Variants in AOAH observed in about 807,000 individuals in gnomAD.
The protein encoded by AOAH is acyloxyacyl hydrolase (neutrophil).
A neutral mutation model predicts 92.2 loss-of-function variants in AOAH; 64 were observed. The ratio of observed to expected loss-of-function variants is 0.69; its 90% CI spans 0.57 to 0.86. AOAH has a LOEUF of 0.86. Ranked by LOEUF, AOAH falls within the 40% of genes least tolerant of loss-of-function variation. The probability of loss-of-function intolerance (pLI) is 0.00; values close to 1 mark genes in which losing one functional copy is unlikely to be tolerated. For missense variants in AOAH, 656 were observed against 694.6 expected (o/e 0.94, Z 0.62); for synonymous variants, 263 against 254.5 (o/e 1.03, Z -0.32).
At chr7:36,530,247 C>T (rs1784610558) in intron 19 of AOAH, among the ~76,000 whole-genome samples, 171 bp downstream of exon 19, 1 of 152,038 alleles carries the variant, frequency 6.6e-6, no homozygotes, top group East Asian at 1.9e-4. Flanking sequence ...AGAAAAAGTC[C>T]CACATTTTAT....
chr7:36,539,797 T>A (rs1338947579), intron 16 of AOAH, among the ~76,000 whole-genome samples: 2 of 152,234 alleles, frequency 1.3e-5, no homozygotes, highest in African/African-American at 4.8e-5. Flanking sequence ...ACTTTTATGT[T>A]ATTTGTACAG....
intron 13 of AOAH, among the ~76,000 whole-genome samples, chr7:36,552,985 A>C (rs542161639): frequency 6.8e-6 from 1 of 146,442 alleles, no homozygotes; most frequent in Non-Finnish European, 1.5e-5. Flanking sequence ...TATTATTATT[A>C]TACTTTAAGT....
At chr7:36,626,155 A>G (rs1243522590) in intron 6 of AOAH, among the ~76,000 whole-genome samples, 2 of 152,222 alleles carry the variant, frequency 1.3e-5, no homozygotes, top group Non-Finnish European at 2.9e-5. Flanking sequence ...AGCAAGAGCA[A>G]GAGACAAAGA....
Position 36,522,000 on chromosome 7 carries a change from T to C in AOAH, c.1599+39A>G, listed in dbSNP as rs201034246. On this transcript the variant is annotated intron_variant, in intron 20 of 20. Transcript: ENST00000617537. ...ACCATAATTAAAAACCAACAAACCATCAAATAGCCTTCTGCAGCCACCATG... is the reference window on the plus strand; with the variant it reads ...ACCATAATTAAAAACCAACAAACCACCAAATAGCCTTCTGCAGCCACCATG... 11 of 1,551,440 alleles carry C rather than the reference T, an allele frequency of 7.1e-6. No individual in the cohort carries two copies. The Admixed American group carries it at 1.8e-4, about 26-fold the overall frequency.
intron 12 of AOAH, among the ~76,000 whole-genome samples, chr7:36,591,772 G>T (rs769791301): frequency 6.6e-6 from 1 of 152,294 alleles, no homozygotes; most frequent in Middle Eastern, 3.4e-3. Flanking sequence ...TGACTGAACA[G>T]AGTCTGTTTG....
At chr7:36,679,145 A>G (rs1584099587) in intron 2 of AOAH, among the ~76,000 whole-genome samples, 1 of 152,264 alleles carries the variant, frequency 6.6e-6, no homozygotes, top group Admixed American at 6.5e-5. Flanking sequence ...AGGACATTCC[A>G]ATTTGTAAGT....
intron 19 of AOAH, 137 bp downstream of exon 19, chr7:36,530,281 T>G (rs1437879589): frequency 2.1e-5 from 13 of 622,734 alleles, no homozygotes; most frequent in Non-Finnish European, 1.1e-5. Context: ...CTGAGAGCTA[T>G]TAGTGTGTCA....
chr7:36,624,426 C>T (rs1337762591), intron 6 of AOAH, among the ~76,000 whole-genome samples: 1 of 152,218 alleles, frequency 6.6e-6, no homozygotes, highest in Non-Finnish European at 1.5e-5. Flanking sequence ...AGCCTGGAGC[C>T]TGTCTTATGA....
At chr7:36,687,967 T>C (rs1797141211) in intron 1 of AOAH, among the ~76,000 whole-genome samples, 1 of 152,184 alleles carries the variant, frequency 6.6e-6, no homozygotes, top group Non-Finnish European at 1.5e-5. Context: ...CAATATCTGA[T>C]GGTGTTTTGG....
At chr7:36,677,714 C>A (rs1172182372) in intron 2 of AOAH, among the ~76,000 whole-genome samples, 1 of 152,140 alleles carries the variant, frequency 6.6e-6, no homozygotes, top group Non-Finnish European at 1.5e-5. Context: ...AAATACCTAT[C>A]AGCTAATAGA....
rs963341216 is a variant in AOAH at position 36,618,310 on chromosome 7, C to T, written c.738G>A (p.Lys246=). The change falls in exon 10 of 21, where the codon AAG becomes AAA. Residue 246 remains lysine (K), a synonymous_variant. Coordinates refer to ENST00000617537, the MANE Select transcript of AOAH (RefSeq NM_001637.4). The stretch of plus-strand genomic sequence containing the variant: ...CACAATTCATACCTTCACAGAATTT[C>T]TTCTCATATGGAACTCCATCTTTTG... ...VDPKDGVPYE[K]KFCEGSQPRG... is the part of the protein sequence containing the mutation. The T allele has an allele frequency of 3.7e-6, 6 of 1,613,614 alleles. No individual in the cohort carries two copies. Among genetic ancestry groups the T allele is most frequent in the Admixed American group, 1.7e-5 (1 of 59,962 alleles).
chr7:36,674,078 T>G (rs1251252258), intron 2 of AOAH, 69 bp from the exon 3 acceptor site: 2 of 858,102 alleles, frequency 2.3e-6, no homozygotes, highest in East Asian at 5.3e-5. Flanking sequence ...TTAATAATGA[T>G]TATCTTTGCT....
chr7:36,538,335 A>G (rs944230668), intron 16 of AOAH, among the ~76,000 whole-genome samples: 1 of 151,984 alleles, frequency 6.6e-6, no homozygotes, highest in African/African-American at 2.4e-5. Flanking sequence ...CCTCATTCTT[A>G]CATTCTTACA....
intron 1 of AOAH, among the ~76,000 whole-genome samples, chr7:36,709,261 C>G (rs1382109331): frequency 6.6e-6 from 1 of 152,100 alleles, no homozygotes; most frequent in Non-Finnish European, 1.5e-5. Context: ...CTTTACACCT[C>G]GGTGAAATCA....
chr7:36,598,388 C>T (rs1790291470), intron 11 of AOAH: 1 of 152,216 alleles, frequency 6.6e-6, no homozygotes, highest in African/African-American at 2.4e-5. Flanking sequence ...ATGTTTTAGA[C>T]TTCACTTCTG....
Position 36,548,670 on chromosome 7 carries a change from C to A in AOAH, c.1075G>T (p.Val359Leu). 1 of 1,613,608 alleles carries A rather than the reference C, an allele frequency of 6.2e-7. No homozygotes were observed. The highest frequency in any genetic ancestry group is 8.5e-7 in the Non-Finnish European group (1 of 1,179,650). ...ATAACGATGGCGGGATAGTCCAACA[C>A]CTTGTTTCTAGACAAGCTGAGAAGG... ...KFIESLSRNK[V>L]LDYPAIVIYA... The change falls in exon 15 of 21, where the codon GTG (valine) becomes TTG (leucine). Residue 359 changes from valine (V) to leucine (L), a missense_variant. Coordinates refer to ENST00000617537, the MANE Select transcript of AOAH (RefSeq NM_001637.4).
At chr7:36,661,206 T>C (rs955245113) in intron 3 of AOAH, 1 of 152,238 alleles carries the variant, frequency 6.6e-6, no homozygotes, top group African/African-American at 2.4e-5. Flanking sequence ...TAGATCTCAT[T>C]AAACTACTGT....
In AOAH at chr7:36,669,375, A is replaced by G. The variant is rs199569658; in HGVS notation, c.290+4568T>C. Among the ~76,000 whole-genome samples, 3 of 113,744 alleles carry G rather than the reference A, an allele frequency of 2.6e-5. No homozygotes were observed. The Admixed American group carries it at 2.7e-4, about 10-fold the overall frequency. The allele number at this position is 113,744 out of a possible 152,430, so 74.6% of individuals were successfully genotyped here. A position where few individuals can be genotyped will look rare whatever the true frequency, so the allele number is the denominator to read the frequency against. ...AATAACAGAATTATATTCCCCCCCC[A>G]CCTTTTTTTTTTTTTTTTTTTAATT... On this transcript the variant is annotated intron_variant, in intron 3 of 20. Transcript: ENST00000617537.
At chr7:36,669,653 G>T (rs1219957353) in intron 3 of AOAH, among the ~76,000 whole-genome samples, 1 of 152,132 alleles carries the variant, frequency 6.6e-6, no homozygotes, top group African/African-American at 2.4e-5. Context: ...AAAGTGCTGG[G>T]ATTACAGGCA....
Sources: allele counts gnomAD v4.1 joint callset (sites outside exome capture counted in the v4.1 genomes callset), GRCh38; gene constraint gnomAD v4.1.1; transcripts MANE v1.5; gene names NCBI Gene and HGNC (gene_info 2026-07-23, HGNC 2026-07-21).